The following EIF1AD variants were observed in gnomAD, a reference collection of about 807,000 sequenced individuals.
EIF1AD encodes eukaryotic translation initiation factor 1A domain containing.
Under a neutral mutation model 21.7 loss-of-function variants are expected in EIF1AD, and 9 were observed. The observed-to-expected ratio is 0.41, with a 90% CI of 0.25 to 0.72. The LOEUF is 0.72. Among genes scored for constraint, EIF1AD ranks in the 30% least tolerant of loss-of-function variants. EIF1AD has a pLI of 0.29. For missense variants in EIF1AD, 164 were observed against 199.7 expected (o/e 0.82, Z 1.08); for synonymous variants, 78 against 70.9 (o/e 1.10, Z -0.50).
In EIF1AD at chr11:65,999,274, CT is replaced by C. The variant is rs1247500690; in HGVS notation, c.353+75del. On this transcript the variant is annotated intron_variant, in intron 5 of 5. Coordinates refer to ENST00000533544, the MANE Select transcript of EIF1AD (RefSeq NM_001242481.2). ...TACCCTATGTAAGGAGGAAAGAAGG[CT>C]CTATTTTTCCCTCAAGGCACCAAAG... 5.0e-6 allele frequency: 8 copies of C among 1,586,574 alleles called. No homozygotes were observed. The Admixed American group carries it at 8.4e-5, about 17-fold the overall frequency.
chr11:65,998,750 G>A lies in EIF1AD; in HGVS notation c.354-7C>T, dbSNP rs369835560. ...GAGTTCTGGTTGAGTTTGTCTGCACGAAGGGAAGAGAGCAGGGTTAGCCCA... is the reference window on the plus strand; with the variant it reads ...GAGTTCTGGTTGAGTTTGTCTGCACAAAGGGAAGAGAGCAGGGTTAGCCCA... On this transcript the variant is annotated splice_region_variant and splice_polypyrimidine_tract_variant and intron_variant, in intron 5 of 5. Transcript: ENST00000533544. 252 of 1,613,854 alleles carry A rather than the reference G, an allele frequency of 1.6e-4. No individual in the cohort carries two copies. The highest frequency in any genetic ancestry group is 1.2e-3 in the Middle Eastern group (7 of 6,056).
chr11:65,998,878 G>A lies in EIF1AD; in HGVS notation c.354-135C>T, dbSNP rs1240336444. On this transcript the variant is annotated intron_variant, in intron 5 of 5. Coordinates refer to ENST00000533544, the MANE Select transcript of EIF1AD (RefSeq NM_001242481.2). The stretch of plus-strand genomic sequence containing the variant: ...CAGCACCCTTTAAAGACTCAAACAA[G>A]GGACACAGGAGAGCAAACAGTGGGG... The A allele has an allele frequency of 8.2e-6, 8 of 978,860 alleles. No homozygotes were observed. In the South Asian group the frequency reaches 1.3e-4, roughly 16 times the overall value. 60.6% of individuals were successfully genotyped at this position (978,860 alleles called of 1,614,324 possible).
chr11:66,000,664 C>T (rs1448122474), intron 1 of EIF1AD, 159 bp from the exon 2 acceptor site: 3 of 362,484 alleles, frequency 8.3e-6, no homozygotes, highest in Non-Finnish European at 1.5e-5. Flanking sequence ...TATGAGGCCA[C>T]CACTTCTCCT....
chr11:66,000,160 A>G lies in EIF1AD; in HGVS notation c.89T>C (p.Val30Ala). Reference protein sequence around the residue: ...VPSDQQQIVRVLRTPGNNLHE... With the variant: ...VPSDQQQIVRALRTPGNNLHE... ...CAGATTGTTCCCTGGGGTCCTGAGT[A>G]CCTGGTTCAGGAGAGACCAAGAATC... The change falls in exon 3 of 6, where the codon GTA becomes GCA. Residue 30 changes from valine to alanine, a missense_variant and splice_region_variant. Val to Ala is a moderately conservative substitution (Grantham distance 64). Transcript: ENST00000533544. 6.2e-7 allele frequency: 1 copy of G among 1,612,774 alleles called. No homozygotes were observed. Among genetic ancestry groups the G allele is most frequent in the South Asian group, 1.1e-5 (1 of 91,054 alleles).
In EIF1AD at chr11:65,998,688, A is replaced by G; in HGVS notation, c.409T>C (p.Ser137Pro). 8 of 1,614,102 alleles carry G rather than the reference A, an allele frequency of 5.0e-6. No individual in the cohort carries two copies. Among genetic ancestry groups the G allele is most frequent in the Non-Finnish European group, 6.8e-6 (8 of 1,180,026 alleles). ...ACAAACAGGTCAGAATCATCTTCTG[A>G]GCTGGACTCCTCTCCTGATAACTGT... ...EPQLSGEESS[S>P]EDDSDLFVNT... Residue 137 changes from serine to proline, a missense_variant, in exon 6 of 6, where the codon TCA becomes CCA. Coordinates refer to ENST00000533544, the MANE Select transcript of EIF1AD (RefSeq NM_001242481.2).
At position 65,998,476 on chromosome 11, in the gene EIF1AD, CAG is replaced by C; in HGVS notation, c.*121_*122del. The C allele has an allele frequency of 7.7e-7, 1 of 1,293,654 alleles. No individual in the cohort carries two copies. Among genetic ancestry groups the C allele is most frequent in the Non-Finnish European group, 1.1e-6 (1 of 941,642 alleles). 80.1% of individuals were successfully genotyped at this position (1,293,654 alleles called of 1,614,324 possible). A position where few individuals can be genotyped will look rare whatever the true frequency, so the allele number is the denominator to read the frequency against. On this transcript the variant is annotated 3_prime_UTR_variant, in exon 6 of 6. Transcript: ENST00000533544. ...AATTCTCTGAATCAAAAGATCAGTT[CAG>C]AGAGGAGCCCTGCTTTGTCCTCATG...
At chr11:65,999,754 T>A (rs1383789722) in intron 3 of EIF1AD, 79 bp from the exon 4 acceptor site, 8 of 982,406 alleles carry the variant, frequency 8.1e-6, no homozygotes, top group Non-Finnish European at 1.3e-5. Flanking sequence ...GGGTTCTATC[T>A]CCTAGAGAGG....
In EIF1AD at chr11:65,998,664, C is replaced by G; in HGVS notation, c.433G>C (p.Val145Leu). Residue 145 changes from valine (V) to leucine (L), a missense_variant, in exon 6 of 6, where the codon GTT becomes CTT. Val to Leu is a conservative substitution (Grantham distance 32, BLOSUM62 1). Coordinates refer to ENST00000533544, the MANE Select transcript of EIF1AD (RefSeq NM_001242481.2). ...SSSEDDSDLF[V>L]NTNRRQYHES... is the part of the protein sequence containing the mutation. The stretch of plus-strand genomic sequence containing the variant: ...TGATACTGTCTGCGGTTTGTGTTAA[C>G]AAACAGGTCAGAATCATCTTCTGAG... 6.2e-7 allele frequency: 1 copy of G among 1,614,212 alleles called. No individual in the cohort carries two copies. Among genetic ancestry groups the G allele is most frequent in the Non-Finnish European group, 8.5e-7 (1 of 1,180,036 alleles).
At position 65,996,757 on chromosome 11, in the gene EIF1AD, C is replaced by A. The variant is rs896456900; in HGVS notation, c.*1842G>T. The A allele has an allele frequency of 1.3e-5, 2 of 152,126 alleles. No homozygotes were observed. Among genetic ancestry groups the A allele is most frequent in the Admixed American group, 1.3e-4 (2 of 15,252 alleles). The allele number at this position is 152,126 out of a possible 1,614,324, so 9.4% of individuals were successfully genotyped here. ...TTCAGAAATGGGAGATTCTACAGCA[C>A]GCTCGACACTAACACATCACATCCA... On this transcript the variant is annotated 3_prime_UTR_variant, in exon 6 of 6. Coordinates refer to ENST00000533544, the MANE Select transcript of EIF1AD (RefSeq NM_001242481.2).
intron 3 of EIF1AD, 105 bp downstream of exon 3, chr11:65,999,948 T>C: frequency 2.2e-6 from 2 of 916,810 alleles, no homozygotes; most frequent in Non-Finnish European, 3.4e-6. Flanking sequence ...CTAATTTTTT[T>C]CTTTTTGTAG....
intron 1 of EIF1AD, among the ~76,000 whole-genome samples, chr11:66,001,301 C>G (rs993783458): frequency 4.6e-5 from 7 of 151,758 alleles, no homozygotes. Context: ...GTGAAACCCT[C>G]TCTCTACAAA....
intron 5 of EIF1AD, 76 bp downstream of exon 5, chr11:65,999,274 C>T (rs1293001589): frequency 2.5e-6 from 4 of 1,586,574 alleles, no homozygotes; most frequent in East Asian, 4.5e-5. Context: ...GGAAAGAAGG[C>T]TCTATTTTTC....
At position 66,000,151 on chromosome 11, in the gene EIF1AD, G is replaced by A; in HGVS notation, c.98C>T (p.Thr33Ile). Residue 33 changes from threonine to isoleucine, a missense_variant, in exon 3 of 6, where the codon ACC (threonine) becomes ATC (isoleucine). Physicochemically the swap from Thr to Ile is moderately conservative, Grantham distance 89 (BLOSUM62 -1). Coordinates refer to ENST00000533544, the MANE Select transcript of EIF1AD (RefSeq NM_001242481.2). ...CACCTCATGCAGATTGTTCCCTGGG[G>A]TCCTGAGTACCTGGTTCAGGAGAGA... Reference protein sequence around the residue: ...DQQQIVRVLRTPGNNLHEVET... With the variant: ...DQQQIVRVLRIPGNNLHEVET... 2 of 1,613,948 alleles carry A rather than the reference G, an allele frequency of 1.2e-6. No individual in the cohort carries two copies. The highest frequency in any genetic ancestry group is 1.7e-6 in the Non-Finnish European group (2 of 1,179,874).
rs1338903131 is a variant in EIF1AD, at chr11:65,998,620, ACTC to A, written c.474_476del (p.Glu158_Ser159delinsAsp). The A allele has an allele frequency of 6.2e-7, 1 of 1,613,452 alleles. No individual in the cohort carries two copies. Among genetic ancestry groups the A allele is most frequent in the African/African-American group, 1.3e-5 (1 of 74,720 alleles). On this transcript the variant is annotated inframe_deletion, in exon 6 of 6. Coordinates refer to ENST00000533544, the MANE Select transcript of EIF1AD (RefSeq NM_001242481.2). ...AGTCTCAGGCTGCCTCCTCCTCTTC[ACTC>A]TCCTCCTCACTCTCATGATACTGTC...
In EIF1AD at chr11:65,998,565, T is replaced by C; in HGVS notation, c.*34A>G. 1.9e-6 allele frequency: 3 copies of C among 1,610,092 alleles called. No homozygotes were observed. Among genetic ancestry groups the C allele is most frequent in the Non-Finnish European group, 2.5e-6 (3 of 1,178,382 alleles). ...CAAGCCCAGAAGAGCCAGGGGCCAG[T>C]CCCTGAGCAAGTGGAGAATTGGGTC... On this transcript the variant is annotated 3_prime_UTR_variant, in exon 6 of 6. Transcript: ENST00000533544.
At position 65,998,529 on chromosome 11, in the gene EIF1AD, C is replaced by G; in HGVS notation, c.*70G>C. On this transcript the variant is annotated 3_prime_UTR_variant, in exon 6 of 6. Coordinates refer to ENST00000533544, the MANE Select transcript of EIF1AD (RefSeq NM_001242481.2). ...CAGGGGTGAAGATGTGCAGAGCACC[C>G]TGGGAATGTCCAAGCCCAGAAGAGC... 6.3e-7 allele frequency: 1 copy of G among 1,579,356 alleles called. No individual in the cohort carries two copies. Among genetic ancestry groups the G allele is most frequent in the South Asian group, 1.2e-5 (1 of 85,748 alleles).
chr11:65,999,519 G>A, intron 4 of EIF1AD, 48 bp downstream of exon 4: 1 of 1,594,066 alleles, frequency 6.3e-7, no homozygotes, highest in Non-Finnish European at 8.6e-7. Flanking sequence ...AGCTAGGAAG[G>A]CAATGCCTCC....
Position 65,999,623 on chromosome 11 carries a change from T to G in EIF1AD, c.249A>C (p.Glu83Asp), listed in dbSNP as rs778490889. The change falls in exon 4 of 6, where the codon GAA (glutamate) becomes GAC (aspartate). Residue 83 changes from glutamate to aspartate, a missense_variant. By Grantham distance (45) the Glu-to-Asp change is conservative. Transcript: ENST00000533544. ...GGTCCTTGCAGAGCACAAACGAGAT[T>G]TCAGCCTTCACCTTTTCTCCCTCTT... ...PIEEGEKVKA[E>D]ISFVLCKDHV... The G allele has an allele frequency of 2.5e-6, 4 of 1,613,906 alleles. No individual in the cohort carries two copies. Among genetic ancestry groups the G allele is most frequent in the Non-Finnish European group, 2.5e-6 (3 of 1,180,036 alleles).
rs72930942 is a variant in EIF1AD, at chr11:65,997,603, G to C, written c.*996C>G. ...CCATCTGAGGTTTGTAATGATAAAC[G>C]TAAGGTACAACTGGTGGCCAGGCTG... On this transcript the variant is annotated 3_prime_UTR_variant, in exon 6 of 6. Coordinates refer to ENST00000533544, the MANE Select transcript of EIF1AD (RefSeq NM_001242481.2). 2.6e-5 allele frequency: 4 copies of C among 152,344 alleles called. No individual in the cohort carries two copies. The highest frequency in any genetic ancestry group is 9.6e-5 in the African/African-American group (4 of 41,530). The allele number at this position is 152,344 out of a possible 1,614,324, so 9.4% of individuals were successfully genotyped here.
Sources: gnomAD v4.1 joint callset for allele counts (sites outside exome capture counted in the v4.1 genomes callset) on GRCh38, gnomAD v4.1.1 for gene constraint, MANE v1.5 for transcripts, NCBI Gene and HGNC (gene_info 2026-07-23, HGNC 2026-07-21) for gene names.